CPSF3: variants seen among roughly 807,000 people sequenced by gnomAD.
The protein encoded by CPSF3 is cleavage and polyadenylation specificity factor subunit 3.
A neutral mutation model predicts 84.1 loss-of-function variants in CPSF3; 57 were observed. That is an observed-to-expected ratio of 0.68 (90% confidence interval 0.55 to 0.85). The LOEUF (loss-of-function observed/expected upper bound fraction) is 0.85. CPSF3 is among the 40% of genes least tolerant of loss of function. The pLI is 0.00. For synonymous variants in CPSF3, 275 were observed against 278.1 expected, an observed-to-expected ratio of 0.99 and a Z score of 0.11; for missense variants, 522 against 838.8, an observed-to-expected ratio of 0.62 and a Z score of 4.66.
chr2:9,435,572 G>A (rs535737507), intron 6 of CPSF3, among the ~76,000 whole-genome samples: 65 of 150,156 alleles, frequency 4.3e-4, no homozygotes, highest in Middle Eastern at 3.5e-3. Flanking sequence ...TAAGGCATGC[G>A]CCACCATGCC....
intron 4 of CPSF3, among the ~76,000 whole-genome samples, chr2:9,431,268 A>G (rs904960267): frequency 1.4e-4 from 22 of 152,180 alleles, no homozygotes; most frequent in Non-Finnish European, 2.9e-4. Flanking sequence ...TGCCCAGGCT[A>G]GTCTCAAACT....
chr2:9,452,674 A>G (rs1327991000), intron 11 of CPSF3, among the ~76,000 whole-genome samples: 2 of 152,132 alleles, frequency 1.3e-5, no homozygotes, highest in Non-Finnish European at 2.9e-5. Context: ...TGCTTGTTGA[A>G]CTGATTAGAA....
At chr2:9,465,369 A>G (rs1368702228) in intron 15 of CPSF3, among the ~76,000 whole-genome samples, 1 of 152,156 alleles carries the variant, frequency 6.6e-6, no homozygotes, top group African/African-American at 2.4e-5. Flanking sequence ...ACTTGAGCCC[A>G]GGAGTTCAAG....
At chr2:9,434,922 G>C (rs1680721955) in intron 6 of CPSF3, among the ~76,000 whole-genome samples, 1 of 152,180 alleles carries the variant, frequency 6.6e-6, no homozygotes, top group Non-Finnish European at 1.5e-5. Flanking sequence ...AGGCATGTGG[G>C]CCAGTACATA....
intron 16 of CPSF3, 108 bp downstream of exon 16, chr2:9,467,884 C>A: frequency 2.4e-6 from 2 of 827,750 alleles, no homozygotes; most frequent in South Asian, 1.5e-5. Flanking sequence ...CTGGCCAGGC[C>A]ACTGCCATGC....
At chr2:9,430,639 T>C in intron 3 of CPSF3, 113 bp from the exon 4 acceptor site, 1 of 928,230 alleles carries the variant, frequency 1.1e-6, no homozygotes, top group Non-Finnish European at 1.6e-6. Flanking sequence ...TCTGAAAGTA[T>C]CAGCACATAG....
chr2:9,470,039 C>A (rs935348688), intron 16 of CPSF3, among the ~76,000 whole-genome samples: 2 of 152,104 alleles, frequency 1.3e-5, no homozygotes, highest in African/African-American at 2.4e-5. Context: ...CATGGCAAAA[C>A]CCCATCCAAA....
At chr2:9,458,051 G>A (rs184143583) in intron 14 of CPSF3, among the ~76,000 whole-genome samples, 2 of 152,184 alleles carry the variant, frequency 1.3e-5, no homozygotes, top group East Asian at 3.9e-4. Context: ...GTCAGCTTTG[G>A]TCCCGATGCA....
intron 12 of CPSF3, among the ~76,000 whole-genome samples, chr2:9,453,393 A>G (rs1316532906): frequency 6.6e-6 from 1 of 152,228 alleles, no homozygotes; most frequent in Non-Finnish European, 1.5e-5. Flanking sequence ...TGACCTTTAC[A>G]TCACTTGCAG....
At chr2:9,472,158 AC>A (rs1682192490) in intron 17 of CPSF3, among the ~76,000 whole-genome samples, 1 of 151,790 alleles carries the variant, frequency 6.6e-6, no homozygotes, top group Non-Finnish European at 1.5e-5. Context: ...TACTAAAAAT[AC>A]AAAAATTACC....
Position 9,459,638 on chromosome 2 carries a change from CTT to C in CPSF3, c.1786+47_1786+48del, listed in dbSNP as rs543727439. ...GAAAAGGTAAGAGTTCATTTTTATC[CTT>C]TTTTTTTTTTTTTTTTTTTTTTTTT... On this transcript the variant is annotated intron_variant, in intron 15 of 17. Transcript: ENST00000238112. 0.066 allele frequency: 20,033 copies of C among 302,630 alleles called. 1 individual carries two copies. Among genetic ancestry groups the C allele is most frequent in the South Asian group, 0.12 (4,368 of 36,520 alleles). The allele number at this position is 302,630 out of a possible 1,614,324, so 18.7% of individuals were successfully genotyped here.
intron 14 of CPSF3, among the ~76,000 whole-genome samples, chr2:9,457,365 AG>A (rs1427873506): frequency 6.6e-6 from 1 of 152,160 alleles, no homozygotes; most frequent in East Asian, 1.9e-4. Flanking sequence ...TTATATCAGA[AG>A]GTTTTACAAT....
rs898331280 is a variant in CPSF3, at chr2:9,451,703, T to C, written c.1396-1210T>C. On this transcript the variant is annotated intron_variant, in intron 11 of 17. Coordinates refer to ENST00000238112, the MANE Select transcript of CPSF3 (RefSeq NM_016207.4). ...ACAGAGCAAGACTGTCTCAGAAAAA[T>C]AAATAAATGAAACTTTTTTTTTTTT... 1.4e-3 allele frequency among the ~76,000 whole-genome samples: 193 copies of C among 141,298 alleles called. 1 individual carries two copies. The highest frequency in any genetic ancestry group is 6.6e-4 in the Non-Finnish European group (43 of 64,802). The allele number at this position is 141,298 out of a possible 152,430, so 92.7% of individuals were successfully genotyped here.
At chr2:9,460,977 CAGTT>C (rs939725392) in intron 15 of CPSF3, among the ~76,000 whole-genome samples, 5 of 152,146 alleles carry the variant, frequency 3.3e-5, no homozygotes, top group Admixed American at 2.6e-4. Context: ...TGAAAATATA[CAGTT>C]AGTTAGTTCT....
At chr2:9,423,970 TC>T (rs1219784182) in intron 1 of CPSF3, 147 bp downstream of exon 1, 11 of 1,448,164 alleles carry the variant, frequency 7.6e-6, no homozygotes, top group African/African-American at 1.4e-5. Flanking sequence ...CTTCTCAGGC[TC>T]GAGGGGTTGG....
At chr2:9,452,547 G>A (rs893099021) in intron 11 of CPSF3, among the ~76,000 whole-genome samples, 2 of 152,146 alleles carry the variant, frequency 1.3e-5, no homozygotes, top group African/African-American at 4.8e-5. Flanking sequence ...TCTCTGTTAT[G>A]AGTTTGCAGC....
intron 15 of CPSF3, among the ~76,000 whole-genome samples, chr2:9,464,619 G>T (rs564827624): frequency 4.6e-5 from 7 of 151,414 alleles, no homozygotes; most frequent in Non-Finnish European, 1.0e-4. Context: ...TTTGAGACAG[G>T]GTCTCACTGT....
chr2:9,436,383 T>C (rs752609557), intron 7 of CPSF3, 22 bp downstream of exon 7: 3 of 1,585,636 alleles, frequency 1.9e-6, no homozygotes, highest in East Asian at 2.2e-5. Flanking sequence ...CCTTTGTATT[T>C]AGGCGATGAT....
chr2:9,436,555 C>T (rs529618401), intron 7 of CPSF3, among the ~76,000 whole-genome samples, 194 bp downstream of exon 7: 2 of 151,866 alleles, frequency 1.3e-5, no homozygotes, highest in African/African-American at 2.4e-5. Flanking sequence ...GGGGAGATCA[C>T]GAGATCAGGA....
Sources: gnomAD v4.1 joint callset for allele counts (sites outside exome capture counted in the v4.1 genomes callset) on GRCh38, gnomAD v4.1.1 for gene constraint, MANE v1.5 for transcripts, NCBI Gene and HGNC (gene_info 2026-07-23, HGNC 2026-07-21) for gene names.